The following CEP192 variants were observed in gnomAD, a reference collection of about 807,000 sequenced individuals.
CEP192 encodes the protein centrosomal protein of 192 kDa.
CEP192 carries 151 observed loss-of-function variants against 271.8 expected under a neutral mutation model. That is an observed-to-expected ratio of 0.56 (90% CI 0.49 to 0.64). The LOEUF is 0.64. CEP192 is among the 30% of genes least tolerant of loss of function. The pLI is 0.00. For missense variants in CEP192, 2,910 were observed against 3,020.5 expected, an observed-to-expected ratio of 0.96 and a Z score of 0.86; for synonymous variants, 995 against 1,076.5, an observed-to-expected ratio of 0.92 and a Z score of 1.48.
Position 13,124,668 on chromosome 18 carries a change from A to G in CEP192, c.7512A>G (p.Lys2504=). 1 of 1,614,062 alleles carries G rather than the reference A, an allele frequency of 6.2e-7. No homozygotes were observed. Among genetic ancestry groups the G allele is most frequent in the African/African-American group, 1.3e-5 (1 of 75,038 alleles). Residue 2504 remains lysine (K), a synonymous_variant, in exon 45 of 45, where the codon AAA becomes AAG. Coordinates refer to ENST00000506447, the MANE Select transcript of CEP192 (RefSeq NM_032142.4). ...ACATCAACATGCCCGTGCAGTTCAA[A>G]CCGAAGTCCGCAGGCAAATTTGAAG... ...QHYINMPVQF[K]PKSAGKFEAL...
At chr18:13,031,755 AAAGCACTGGAATTTAGAG>A (rs2035646240) in intron 11 of CEP192, among the ~76,000 whole-genome samples, 1 of 152,196 alleles carries the variant, frequency 6.6e-6, no homozygotes, top group Non-Finnish European at 1.5e-5. Flanking sequence ...ACTCAAACCA[AAAGCACTGGAATTTAGAG>A]AAGAAACAAA....
At chr18:13,047,460 C>T (rs765948484) in intron 15 of CEP192, among the ~76,000 whole-genome samples, 12 of 152,274 alleles carry the variant, frequency 7.9e-5, no homozygotes, top group Non-Finnish European at 1.3e-4. Flanking sequence ...TTTGCTTAGC[C>T]TTTTCTTGAA....
chr18:13,065,576 G>A (rs2037651112), intron 21 of CEP192, among the ~76,000 whole-genome samples: 1 of 152,174 alleles, frequency 6.6e-6, no homozygotes, highest in African/African-American at 2.4e-5. Context: ...GTACAATTGT[G>A]ATTCTTTAAT....
chr18:13,096,185 T>C lies in CEP192; in HGVS notation c.6435T>C (p.Cys2145=), dbSNP rs150159611. 9 of 1,613,620 alleles carry C rather than the reference T, an allele frequency of 5.6e-6. No homozygotes were observed. The African/African-American group carries it at 1.1e-4, about 19-fold the overall frequency. ...CATTTTATGTATCTGACAAAATAGG[T>C]GACATGGCAAAAACTGGACGTTTCC... is the stretch of plus-strand genomic sequence containing the variant. ...EHLILVAPSP[C]DMAKTGRFQI... is the part of the protein sequence containing the mutation. Residue 2145 remains cysteine (C), a splice_region_variant and synonymous_variant, in exon 36 of 45, where the codon TGT becomes TGC. Coordinates refer to ENST00000506447, the MANE Select transcript of CEP192 (RefSeq NM_032142.4).
Position 13,008,446 on chromosome 18 carries a change from A to C in CEP192, c.291-10A>C, listed in dbSNP as rs2034116257. On this transcript the variant is annotated splice_polypyrimidine_tract_variant and intron_variant, in intron 3 of 44. Transcript: ENST00000506447. Reference sequence around the variant, plus strand: ...ACATTTTATCATTCTTCTGTTTCCTAATAAAAAAGTTCTATCTCTAGGAAA... The same window carrying C: ...ACATTTTATCATTCTTCTGTTTCCTCATAAAAAAGTTCTATCTCTAGGAAA... 3.3e-6 allele frequency: 5 copies of C among 1,511,342 alleles called. No individual in the cohort carries two copies. Among genetic ancestry groups the C allele is most frequent in the Non-Finnish European group, 4.5e-6 (5 of 1,119,218 alleles). The allele number at this position is 1,511,342 out of a possible 1,614,324, so 93.6% of individuals were successfully genotyped here.
At chr18:13,040,730 G>A (rs1598429339) in intron 13 of CEP192, 100 bp from the exon 14 acceptor site, 1 of 890,548 alleles carries the variant, frequency 1.1e-6, no homozygotes, top group Non-Finnish European at 1.7e-6. Flanking sequence ...ACAGTTTTTT[G>A]ATGTCATTTA....
intron 3 of CEP192, among the ~76,000 whole-genome samples, chr18:13,002,103 A>G (rs916923557): frequency 3.3e-5 from 5 of 152,218 alleles, no homozygotes; most frequent in Non-Finnish European, 7.3e-5. Flanking sequence ...TTTTGAAAAA[A>G]TAGAGAATAT....
chr18:13,033,832 G>A (rs747459403), intron 11 of CEP192, among the ~76,000 whole-genome samples: 4 of 152,154 alleles, frequency 2.6e-5, no homozygotes, highest in Non-Finnish European at 5.9e-5. Context: ...TGTGTAGAAA[G>A]GTAGGAGAGG....
At position 13,056,478 on chromosome 18, in the gene CEP192, T is replaced by C. The variant is rs779448590; in HGVS notation, c.3888T>C (p.Tyr1296=). The C allele has an allele frequency of 6.2e-7, 1 of 1,614,242 alleles. No individual in the cohort carries two copies. Among genetic ancestry groups the C allele is most frequent in the South Asian group, 1.1e-5 (1 of 91,086 alleles). ...TVCGFSGGLP[Y]PAVAGEPVQN... ...GTGGCTTCTCAGGAGGCCTTCCCTA[T>C]CCAGCTGTTGCAGGAGAGCCTGTGC... The change falls in exon 19 of 45, where the codon TAT becomes TAC. Residue 1296 remains tyrosine (Y), a synonymous_variant. Transcript: ENST00000506447.
intron 38 of CEP192, among the ~76,000 whole-genome samples, chr18:13,101,654 C>G (rs1353100161): frequency 1.3e-5 from 2 of 152,090 alleles, no homozygotes; most frequent in South Asian, 4.1e-4. Flanking sequence ...TTTTGTCTAT[C>G]CCCAGCCTCA....
chr18:13,080,298 C>T (rs1255942340), intron 30 of CEP192, among the ~76,000 whole-genome samples: 1 of 152,112 alleles, frequency 6.6e-6, no homozygotes, highest in Non-Finnish European at 1.5e-5. Context: ...TTGTTTGTGT[C>T]CTCTTTTATT....
chr18:12,997,274 C>G (rs990422357), intron 1 of CEP192, among the ~76,000 whole-genome samples: 5 of 152,024 alleles, frequency 3.3e-5, no homozygotes, highest in Non-Finnish European at 7.4e-5. Flanking sequence ...GTGCACCGGC[C>G]CAGTCGGATT....
intron 33 of CEP192, among the ~76,000 whole-genome samples, chr18:13,091,786 A>T (rs1374621208): frequency 2.6e-5 from 4 of 152,152 alleles, no homozygotes. Flanking sequence ...TCTTTCATTA[A>T]TCTATAAATA....
chr18:13,108,426 A>G (rs2040055558), intron 40 of CEP192, among the ~76,000 whole-genome samples: 1 of 152,252 alleles, frequency 6.6e-6, no homozygotes, highest in Non-Finnish European at 1.5e-5. Flanking sequence ...TCTAATACCC[A>G]GGATCTATAA....
chr18:13,086,410 A>G (rs1397685424), intron 30 of CEP192, among the ~76,000 whole-genome samples: 2 of 152,220 alleles, frequency 1.3e-5, no homozygotes, highest in East Asian at 3.8e-4. Context: ...AAAACTTCCA[A>G]TACTGTGTTG....
chr18:13,035,107 T>A (rs1360010055), intron 11 of CEP192, among the ~76,000 whole-genome samples: 1 of 152,230 alleles, frequency 6.6e-6, no homozygotes, highest in East Asian at 1.9e-4. Context: ...GTAGACAAGA[T>A]AACAGTGTTA....
intron 15 of CEP192, among the ~76,000 whole-genome samples, chr18:13,048,255 T>C (rs1185316773): frequency 6.6e-6 from 1 of 152,210 alleles, no homozygotes; most frequent in Non-Finnish European, 1.5e-5. Context: ...ACCAATTTGC[T>C]CCATCCTGGT....
intron 6 of CEP192, among the ~76,000 whole-genome samples, chr18:13,016,224 G>T (rs867092006): frequency 6.6e-6 from 1 of 152,154 alleles, no homozygotes; most frequent in African/African-American, 2.4e-5. Flanking sequence ...TCTAGAAAAA[G>T]GATGGAGCCT....
chr18:12,999,969 C>G (rs2033511990), intron 2 of CEP192, among the ~76,000 whole-genome samples: 1 of 151,352 alleles, frequency 6.6e-6, no homozygotes, highest in Admixed American at 6.6e-5. Context: ...CTCTTGACAT[C>G]AAGGGGAGGA....
Sources: allele counts gnomAD v4.1 joint callset (sites outside exome capture counted in the v4.1 genomes callset), GRCh38; gene constraint gnomAD v4.1.1; transcripts MANE v1.5; gene names NCBI Gene and HGNC (gene_info 2026-07-23, HGNC 2026-07-21).